The following NRG3 variants were observed in gnomAD, a reference collection of about 807,000 sequenced individuals.
The protein encoded by NRG3 is pro-neuregulin-3, membrane-bound isoform.
NRG3 carries 31 observed loss-of-function variants against 66.9 expected under a neutral mutation model. The observed-to-expected ratio is 0.46, with a 90% CI of 0.35 to 0.63. The LOEUF (loss-of-function observed/expected upper bound fraction) is 0.63, where lower values mean the gene tolerates loss of function less well. Ranked by LOEUF, NRG3 falls within the 20% of genes least tolerant of loss-of-function variation. The pLI is 0.00. For synonymous variants in NRG3, 393 were observed against 359.4 expected (o/e 1.09, Z -1.06); for missense variants, 910 against 878.9 (o/e 1.04, Z -0.45).
chr10:82,029,485 C>G (rs1231759620), intron 1 of NRG3, among the ~76,000 whole-genome samples: 1 of 152,086 alleles, frequency 6.6e-6, no homozygotes, highest in African/African-American at 2.4e-5. Flanking sequence ...TGTGCTGATT[C>G]AAAGCTGTCA....
At chr10:82,128,450 A>G (rs2068597937) in intron 1 of NRG3, among the ~76,000 whole-genome samples, 1 of 152,014 alleles carries the variant, frequency 6.6e-6, no homozygotes, top group Non-Finnish European at 1.5e-5. Context: ...CTTACTTTCT[A>G]TATGCCTTCC....
chr10:82,804,904 A>G (rs931867111), intron 3 of NRG3, among the ~76,000 whole-genome samples: 4 of 152,168 alleles, frequency 2.6e-5, no homozygotes, highest in African/African-American at 9.7e-5. Context: ...TTTGATCCAT[A>G]CTTTATCTAA....
chr10:82,327,777 TAAAC>T (rs1175943237), intron 1 of NRG3, among the ~76,000 whole-genome samples: 1 of 152,166 alleles, frequency 6.6e-6, no homozygotes, highest in Non-Finnish European at 1.5e-5. Flanking sequence ...CTGAGTGGCT[TAAAC>T]AACAGAAATT....
chr10:81,907,880 G>T (rs1158052923), intron 1 of NRG3, among the ~76,000 whole-genome samples: 7 of 152,128 alleles, frequency 4.6e-5, no homozygotes, highest in Admixed American at 4.6e-4. Context: ...ATTAGAGATG[G>T]TATCTTACAG....
chr10:82,884,386 G>T (rs1842560801), intron 4 of NRG3, among the ~76,000 whole-genome samples: 1 of 151,954 alleles, frequency 6.6e-6, no homozygotes, highest in East Asian at 1.9e-4. Flanking sequence ...AGATATTTTT[G>T]CATATTGAGG....
At chr10:82,579,998 A>T (rs975150369) in intron 2 of NRG3, among the ~76,000 whole-genome samples, 1 of 151,958 alleles carries the variant, frequency 6.6e-6, no homozygotes, top group Non-Finnish European at 1.5e-5. Flanking sequence ...AAATCTAAGG[A>T]TGCTCAAGTC....
chr10:82,044,158 C>A (rs2063159452), intron 1 of NRG3, among the ~76,000 whole-genome samples: 1 of 34,356 alleles, frequency 2.9e-5, no homozygotes, highest in Non-Finnish European at 2.0e-4. Context: ...GCTTCTGTAC[C>A]ACATAAGTTT....
intron 2 of NRG3, among the ~76,000 whole-genome samples, chr10:82,550,119 G>T (rs577958691): frequency 6.6e-6 from 1 of 152,274 alleles, no homozygotes; most frequent in Non-Finnish European, 1.5e-5. Flanking sequence ...AGTTCAATGT[G>T]TAATATGAAC....
At chr10:82,114,571 T>C (rs2067584809) in intron 1 of NRG3, among the ~76,000 whole-genome samples, 1 of 152,116 alleles carries the variant, frequency 6.6e-6, no homozygotes, top group African/African-American at 2.4e-5. Context: ...AAGTGTCTCC[T>C]TCAAAGAAGA....
intron 1 of NRG3, among the ~76,000 whole-genome samples, chr10:82,273,596 T>C (rs978519000): frequency 1.3e-5 from 2 of 152,028 alleles, no homozygotes; most frequent in Admixed American, 1.3e-4. Context: ...TTTTGAAGTC[T>C]CTAACATACA....
chr10:82,131,311 G>C (rs1463691461), intron 1 of NRG3, among the ~76,000 whole-genome samples: 1 of 152,074 alleles, frequency 6.6e-6, no homozygotes, highest in Non-Finnish European at 1.5e-5. Context: ...TTTCCCCAAT[G>C]TATGTTCTTA....
chr10:82,782,074 C>T (rs887814704), intron 3 of NRG3, among the ~76,000 whole-genome samples: 3 of 152,108 alleles, frequency 2.0e-5, no homozygotes, highest in Non-Finnish European at 4.4e-5. Context: ...TCATGCTACT[C>T]TCTTTGCTTG....
At chr10:82,392,892 A>ATTTT (rs549023275) in intron 2 of NRG3, among the ~76,000 whole-genome samples, 60 of 122,178 alleles carry the variant, frequency 4.9e-4, no homozygotes, top group South Asian at 1.1e-3. Context: ...ATATATATAT[A>ATTTT]TATATATTTT....
chr10:82,678,537 G>C (rs1032581630), intron 2 of NRG3, among the ~76,000 whole-genome samples: 1 of 152,110 alleles, frequency 6.6e-6, no homozygotes, highest in African/African-American at 2.4e-5. Flanking sequence ...GGATGTATAC[G>C]TGCAGGTCAC....
At chr10:82,754,422 C>T (rs2058995746) in intron 3 of NRG3, among the ~76,000 whole-genome samples, 1 of 150,838 alleles carries the variant, frequency 6.6e-6, no homozygotes, top group African/African-American at 2.4e-5. Flanking sequence ...CTAATATATA[C>T]TTAGGAGTTG....
chr10:82,310,469 G>A (rs746892820), intron 1 of NRG3, among the ~76,000 whole-genome samples: 3 of 152,142 alleles, frequency 2.0e-5, no homozygotes, highest in Admixed American at 6.5e-5. Flanking sequence ...AACTATGAAA[G>A]TAGTCTGGAG....
At chr10:82,971,717 G>A (rs957698657) in intron 6 of NRG3, among the ~76,000 whole-genome samples, 9 of 152,158 alleles carry the variant, frequency 5.9e-5, no homozygotes, top group African/African-American at 9.6e-5. Flanking sequence ...GATTACAGTC[G>A]TGAGCCACCG....
chr10:82,791,631 T>A (rs557041704), intron 3 of NRG3, among the ~76,000 whole-genome samples: 33 of 152,316 alleles, frequency 2.2e-4, no homozygotes, highest in Admixed American at 3.9e-4. Flanking sequence ...ACAACTCTGT[T>A]CATGCGTATA....
intron 1 of NRG3, among the ~76,000 whole-genome samples, chr10:82,029,324 A>ATG: frequency 6.6e-6 from 1 of 152,288 alleles, no homozygotes; most frequent in South Asian, 2.1e-4. Flanking sequence ...CTTTGTAAAA[A>ATG]TAGACATAAA....
Sources: allele counts gnomAD v4.1 joint callset (sites outside exome capture counted in the v4.1 genomes callset), GRCh38; gene constraint gnomAD v4.1.1; transcripts MANE v1.5; gene names NCBI Gene and HGNC (gene_info 2026-07-23, HGNC 2026-07-21).